QTMAN: variants seen among roughly 807,000 people sequenced by gnomAD.
QTMAN encodes the protein queuosine-tRNA mannosyltransferase.
At chr2:143,999,605 C>T in the QTMAN span, among the ~76,000 whole-genome samples, 8 of 151,976 alleles carry the variant, frequency 5.3e-5, no homozygotes, top group Non-Finnish European at 1.2e-4. Flanking sequence ...ATCCACCTGT[C>T]CATCCATCCA....
the QTMAN span, chr2:144,332,497 G>C: frequency 6.8e-6 from 1 of 147,534 alleles, no homozygotes; most frequent in South Asian, 2.1e-4. Context: ...CCCAGCCGGC[G>C]ACGCGCTGAC....
the QTMAN span, among the ~76,000 whole-genome samples, chr2:144,221,827 A>G: frequency 6.6e-6 from 1 of 152,346 alleles, no homozygotes; most frequent in South Asian, 2.1e-4. Context: ...ATAGCGATTC[A>G]AAACAGCATC....
At chr2:144,096,992 T>C in the QTMAN span, among the ~76,000 whole-genome samples, 4 of 152,230 alleles carry the variant, frequency 2.6e-5, no homozygotes, top group African/African-American at 7.2e-5. Context: ...TAATCATCTA[T>C]ATAATTTCCA....
the QTMAN span, among the ~76,000 whole-genome samples, chr2:144,158,665 G>C: frequency 6.6e-6 from 1 of 151,992 alleles, no homozygotes; most frequent in South Asian, 2.1e-4. Context: ...CATTGCAACA[G>C]ATACATTACT....
the QTMAN span, among the ~76,000 whole-genome samples, chr2:144,107,373 G>GAA: frequency 2.0e-5 from 3 of 151,774 alleles, no homozygotes; most frequent in Non-Finnish European, 4.4e-5. Context: ...GACTAATAAA[G>GAA]AAGAAGAGAG....
the QTMAN span, among the ~76,000 whole-genome samples, chr2:144,234,754 G>A: frequency 6.6e-6 from 1 of 152,114 alleles, no homozygotes; most frequent in Non-Finnish European, 1.5e-5. Flanking sequence ...TCTAATTTCC[G>A]GCAAAAGGAT....
the QTMAN span, among the ~76,000 whole-genome samples, chr2:144,052,095 G>C: frequency 6.6e-6 from 1 of 152,274 alleles, no homozygotes; most frequent in Admixed American, 6.5e-5. Context: ...TCCAGAAACC[G>C]AACAGTGCCA....
At chr2:144,276,079 C>T in the QTMAN span, among the ~76,000 whole-genome samples, 16 of 151,964 alleles carry the variant, frequency 1.1e-4, no homozygotes, top group South Asian at 2.1e-3. Flanking sequence ...TGTGTATGTC[C>T]CCAAGGGGTC....
the QTMAN span, among the ~76,000 whole-genome samples, chr2:144,156,914 C>G: frequency 6.6e-6 from 1 of 152,038 alleles, no homozygotes; most frequent in African/African-American, 2.4e-5. Context: ...GGCCACACTT[C>G]TTTACCAGGT....
the QTMAN span, among the ~76,000 whole-genome samples, chr2:144,084,124 T>G: frequency 1.3e-5 from 2 of 152,194 alleles, no homozygotes; most frequent in Admixed American, 6.5e-5. Context: ...CAAACAACAC[T>G]GACCTCAAAG....
chr2:144,062,778 G>T, the QTMAN span, among the ~76,000 whole-genome samples: 1 of 152,156 alleles, frequency 6.6e-6, no homozygotes, highest in Admixed American at 6.5e-5. Context: ...GAGATCAGTA[G>T]CCTCAATTTC....
chr2:144,004,549 T>G, the QTMAN span, among the ~76,000 whole-genome samples: 2 of 151,922 alleles, frequency 1.3e-5, no homozygotes, highest in African/African-American at 4.8e-5. Flanking sequence ...TTGCATAAAT[T>G]CTCCTAAAGA....
At chr2:144,202,913 G>A in the QTMAN span, among the ~76,000 whole-genome samples, 12 of 152,156 alleles carry the variant, frequency 7.9e-5, no homozygotes, top group African/African-American at 2.9e-4. Flanking sequence ...TAACTCCTGG[G>A]AAACAGTGGT....
At chr2:144,118,116 G>A in the QTMAN span, among the ~76,000 whole-genome samples, 10 of 152,254 alleles carry the variant, frequency 6.6e-5, no homozygotes, top group African/African-American at 2.4e-4. Flanking sequence ...AAAGTGCTGG[G>A]ATTACAAGCA....
chr2:144,256,642 T>G, the QTMAN span, among the ~76,000 whole-genome samples: 2 of 150,952 alleles, frequency 1.3e-5, no homozygotes, highest in South Asian at 4.2e-4. Flanking sequence ...TTAGTGGGAG[T>G]TGAACAAAAA....
the QTMAN span, among the ~76,000 whole-genome samples, chr2:144,183,483 G>A: frequency 6.6e-6 from 1 of 151,938 alleles, no homozygotes; most frequent in African/African-American, 2.4e-5. Context: ...TAAAATACAA[G>A]CTTTCTTTTA....
At chr2:144,104,469 C>A in the QTMAN span, among the ~76,000 whole-genome samples, 16 of 152,168 alleles carry the variant, frequency 1.1e-4, no homozygotes, top group Admixed American at 3.9e-4. Context: ...TATCCTGCGC[C>A]TGGCTTGGAG....
the QTMAN span, among the ~76,000 whole-genome samples, chr2:144,074,297 A>T: frequency 6.6e-6 from 1 of 152,232 alleles, no homozygotes; most frequent in Non-Finnish European, 1.5e-5. Flanking sequence ...ACATAATAAC[A>T]CACTGAAATA....
chr2:144,277,697 ACTGGATTGACATTTTCC>A, the QTMAN span, among the ~76,000 whole-genome samples: 1 of 152,174 alleles, frequency 6.6e-6, no homozygotes, highest in Middle Eastern at 3.4e-3. Context: ...TATCAACATT[ACTGGATTGACATTTTCC>A]CTTTCCTCTC....
Sources: gnomAD v4.1 joint callset for allele counts (sites outside exome capture counted in the v4.1 genomes callset) on GRCh38, gnomAD v4.1.1 for gene constraint, MANE v1.5 for transcripts, NCBI Gene and HGNC (gene_info 2026-07-23, HGNC 2026-07-21) for gene names.